Variants in NALF1 observed in about 807,000 individuals in gnomAD.
NALF1 encodes the protein NALCN channel auxiliary factor 1, also known as family with sequence similarity 155 member A.
Under a neutral mutation model 48.4 loss-of-function variants are expected in NALF1, and 3 were observed. That is an observed-to-expected ratio of 0.06 (90% CI 0.03 to 0.16). The LOEUF (loss-of-function observed/expected upper bound fraction) is 0.16. Ranked by LOEUF, NALF1 falls within the 10% of genes least tolerant of loss-of-function variation. The pLI, the probability that NALF1 is intolerant of heterozygous loss-of-function variation, is 1.00. For missense variants in NALF1, 526 were observed against 571.5 expected, an observed-to-expected ratio of 0.92 and a Z score of 0.81; for synonymous variants, 262 against 245.7, an observed-to-expected ratio of 1.07 and a Z score of -0.62.
In NALF1 at chr13:107,843,142, T is replaced by C. The variant is rs116460186; in HGVS notation, c.915+22540A>G. On this transcript the variant is annotated intron_variant, in intron 1 of 2. Transcript: ENST00000375915. Reference sequence around the variant, plus strand: ...TGTTTTACATGCAAAGCATATTTTATTTATCTAACAAACACTTCTATGATA... The same window carrying C: ...TGTTTTACATGCAAAGCATATTTTACTTATCTAACAAACACTTCTATGATA... Among the ~76,000 whole-genome samples, 575 of 152,344 alleles carry C rather than the reference T, an allele frequency of 3.8e-3. 3 individuals are homozygous for C. The highest frequency in any genetic ancestry group is 0.013 in the African/African-American group (540 of 41,580).
chr13:107,587,244 C>A (rs1878485815), intron 1 of NALF1, among the ~76,000 whole-genome samples: 2 of 152,196 alleles, frequency 1.3e-5, no homozygotes, highest in African/African-American at 4.8e-5. Flanking sequence ...TACATATGAA[C>A]TGCAGAGATT....
chr13:107,452,244 T>G, intron 1 of NALF1, among the ~76,000 whole-genome samples: 1 of 152,168 alleles, frequency 6.6e-6, no homozygotes, highest in African/African-American at 2.4e-5. Context: ...GCACATGGCC[T>G]TACGTGTGTT....
intron 1 of NALF1, among the ~76,000 whole-genome samples, chr13:107,774,618 T>C (rs577255051): frequency 5.3e-5 from 8 of 152,360 alleles, no homozygotes; most frequent in African/African-American, 1.9e-4. Context: ...TGTAGTTCCA[T>C]AATTTATCCA....
At chr13:107,736,259 C>T (rs902638203) in intron 1 of NALF1, among the ~76,000 whole-genome samples, 1 of 151,714 alleles carries the variant, frequency 6.6e-6, no homozygotes, top group African/African-American at 2.4e-5. Context: ...ATCTAAACAG[C>T]TGCACTGTGT....
chr13:107,585,053 T>C (rs1878414944), intron 1 of NALF1, among the ~76,000 whole-genome samples: 1 of 152,308 alleles, frequency 6.6e-6, no homozygotes, highest in African/African-American at 2.4e-5. Context: ...AATTCTAATA[T>C]ATTCTGACTT....
chr13:107,408,553 A>T (rs142745170), intron 1 of NALF1, among the ~76,000 whole-genome samples: 8 of 152,246 alleles, frequency 5.3e-5, no homozygotes, highest in African/African-American at 1.2e-4. Flanking sequence ...CACACAGAAC[A>T]GTGAACAATT....
intron 2 of NALF1, among the ~76,000 whole-genome samples, chr13:107,192,871 C>T (rs1163287821): frequency 6.6e-6 from 1 of 152,126 alleles, no homozygotes; most frequent in Non-Finnish European, 1.5e-5. Context: ...TTTGCATACC[C>T]TCTGACCTTT....
chr13:107,446,813 G>C (rs369836078), intron 1 of NALF1, among the ~76,000 whole-genome samples: 2 of 152,136 alleles, frequency 1.3e-5, no homozygotes, highest in Admixed American at 1.3e-4. Flanking sequence ...AAAAAAGAGA[G>C]CCCTGCTAAA....
chr13:107,632,032 A>G (rs916589914), intron 1 of NALF1, among the ~76,000 whole-genome samples: 1 of 152,184 alleles, frequency 6.6e-6, no homozygotes, highest in African/African-American at 2.4e-5. Context: ...GTATAAATTT[A>G]TATGTTAATA....
chr13:107,251,906 G>A (rs971746486), intron 1 of NALF1, among the ~76,000 whole-genome samples: 1 of 152,130 alleles, frequency 6.6e-6, no homozygotes, highest in Non-Finnish European at 1.5e-5. Context: ...TATTTAAAGT[G>A]GTAATGTCAC....
intron 1 of NALF1, among the ~76,000 whole-genome samples, chr13:107,652,003 TTATAGA>T (rs893770550): frequency 8.5e-5 from 13 of 152,242 alleles, no homozygotes; most frequent in African/African-American, 2.4e-4. Context: ...TAAAAAATCT[TTATAGA>T]TATAAACATG....
intron 1 of NALF1, among the ~76,000 whole-genome samples, chr13:107,739,422 CAT>C (rs1407426306): frequency 3.4e-5 from 5 of 146,206 alleles, no homozygotes; most frequent in Non-Finnish European, 4.5e-5. Context: ...TCATATATAA[CAT>C]ATAAAATATA....
At chr13:107,190,167 T>G (rs564812934) in intron 2 of NALF1, among the ~76,000 whole-genome samples, 1 of 152,326 alleles carries the variant, frequency 6.6e-6, no homozygotes, top group Non-Finnish European at 1.5e-5. Flanking sequence ...AAAGGAAATA[T>G]TCTAGAACAC....
At chr13:107,408,528 G>A (rs996079681) in intron 1 of NALF1, among the ~76,000 whole-genome samples, 1 of 152,066 alleles carries the variant, frequency 6.6e-6, no homozygotes, top group Non-Finnish European at 1.5e-5. Context: ...TGTAATCGCT[G>A]CTAGAGAAGC....
chr13:107,196,165 G>T (rs1879387457), intron 2 of NALF1, among the ~76,000 whole-genome samples: 1 of 152,192 alleles, frequency 6.6e-6, no homozygotes, highest in Non-Finnish European at 1.5e-5. Context: ...GAAGGTGGAA[G>T]AAGGGAGAGG....
At chr13:107,354,486 C>T (rs567578153) in intron 1 of NALF1, among the ~76,000 whole-genome samples, 3 of 152,228 alleles carry the variant, frequency 2.0e-5, no homozygotes, top group African/African-American at 7.2e-5. Context: ...TGCTTTTAAA[C>T]AACCAGATCT....
chr13:107,838,539 T>C (rs1879965229), intron 1 of NALF1, among the ~76,000 whole-genome samples: 1 of 152,128 alleles, frequency 6.6e-6, no homozygotes, highest in Non-Finnish European at 1.5e-5. Context: ...GTGTCGTACG[T>C]AACAGGTAAC....
chr13:107,524,494 A>G (rs1021427271), intron 1 of NALF1, among the ~76,000 whole-genome samples: 3 of 152,146 alleles, frequency 2.0e-5, no homozygotes, highest in African/African-American at 7.2e-5. Flanking sequence ...ACGGATCCAC[A>G]GAAAAAAGTT....
At chr13:107,323,892 C>T (rs1727893443) in intron 1 of NALF1, among the ~76,000 whole-genome samples, 3 of 152,068 alleles carry the variant, frequency 2.0e-5, no homozygotes, top group South Asian at 2.1e-4. Context: ...GCAGAAGGAT[C>T]GCTTGACCCC....
Sources: allele counts gnomAD v4.1 joint callset (sites outside exome capture counted in the v4.1 genomes callset), GRCh38; gene constraint gnomAD v4.1.1; transcripts MANE v1.5; gene names NCBI Gene and HGNC (gene_info 2026-07-23, HGNC 2026-07-21).